Variants in DPP6 observed in about 807,000 individuals in gnomAD.
The protein encoded by DPP6 is A-type potassium channel modulatory protein DPP6.
DPP6 carries 69 observed loss-of-function variants against 122.6 expected under a neutral mutation model. The ratio of observed to expected loss-of-function variants is 0.56; its 90% CI spans 0.46 to 0.69. DPP6 has a LOEUF of 0.69. Ranked by LOEUF, DPP6 falls within the 30% of genes least tolerant of loss-of-function variation. The probability of loss-of-function intolerance (pLI) is 0.00; values close to 1 mark genes in which losing one functional copy is unlikely to be tolerated. For missense variants in DPP6, 928 were observed against 1,116.9 expected, an observed-to-expected ratio of 0.83 and a Z score of 2.41; for synonymous variants, 418 against 433.1, an observed-to-expected ratio of 0.97 and a Z score of 0.43.
intron 7 of DPP6, among the ~76,000 whole-genome samples, chr7:154,692,062 C>A (rs1387618470): frequency 1.3e-5 from 2 of 152,076 alleles, no homozygotes; most frequent in African/African-American, 2.4e-5. Context: ...GGCAAAAAGA[C>A]CTCCCAGGGA....
At chr7:153,830,877 T>A in the DPP6 span, among the ~76,000 whole-genome samples, 1 of 152,218 alleles carries the variant, frequency 6.6e-6, no homozygotes, top group Non-Finnish European at 1.5e-5. Flanking sequence ...TCACTTCCAA[T>A]GAAATAACGG....
intron 8 of DPP6, among the ~76,000 whole-genome samples, chr7:154,729,180 A>G (rs1007078432): frequency 6.6e-6 from 1 of 152,208 alleles, no homozygotes; most frequent in South Asian, 2.1e-4. Context: ...GCTTTCCAGC[A>G]TGGGGCTGAT....
At chr7:154,419,925 A>G (rs553731775) in intron 1 of DPP6, among the ~76,000 whole-genome samples, 1 of 152,300 alleles carries the variant, frequency 6.6e-6, no homozygotes, top group East Asian at 1.9e-4. Flanking sequence ...ACGGCAGCCG[A>G]GGTGTGGAAA....
intron 8 of DPP6, among the ~76,000 whole-genome samples, chr7:154,767,736 G>C (rs1016564188): frequency 1.3e-5 from 2 of 152,104 alleles, no homozygotes; most frequent in Non-Finnish European, 2.9e-5. Context: ...AGTGCACCAG[G>C]GCTCCTGAAT....
chr7:154,502,248 G>C (rs980019081), intron 3 of DPP6, among the ~76,000 whole-genome samples: 1 of 152,150 alleles, frequency 6.6e-6, no homozygotes, highest in Non-Finnish European at 1.5e-5. Flanking sequence ...GTGGACTTTG[G>C]AGTTAATGCT....
At chr7:153,976,193 T>C (rs1407624637) in intron 1 of DPP6, among the ~76,000 whole-genome samples, 2 of 151,998 alleles carry the variant, frequency 1.3e-5, no homozygotes, top group Admixed American at 6.5e-5. Flanking sequence ...GAAGTCTGTA[T>C]TGAAAGAAAA....
intron 1 of DPP6, among the ~76,000 whole-genome samples, chr7:154,412,260 A>G (rs562965241): frequency 2.0e-5 from 3 of 152,138 alleles, no homozygotes; most frequent in Non-Finnish European, 4.4e-5. Context: ...GGCTGCTGGG[A>G]CAGAATACAG....
chr7:154,683,453 T>G (rs977371505), intron 7 of DPP6, among the ~76,000 whole-genome samples: 1 of 152,212 alleles, frequency 6.6e-6, no homozygotes, highest in Non-Finnish European at 1.5e-5. Context: ...TTTTATGAAT[T>G]CTGCTTTCTT....
intron 4 of DPP6, among the ~76,000 whole-genome samples, chr7:154,558,421 A>G (rs1386509971): frequency 6.6e-6 from 1 of 152,206 alleles, no homozygotes; most frequent in East Asian, 1.9e-4. Context: ...GAGACATTAA[A>G]CAGAGACCCC....
At chr7:154,702,842 C>CA (rs1202306220) in intron 7 of DPP6, among the ~76,000 whole-genome samples, 4 of 152,210 alleles carry the variant, frequency 2.6e-5, no homozygotes, top group African/African-American at 9.6e-5. Context: ...TTAGTGAAGA[C>CA]AAAACAGCCT....
chr7:154,426,625 G>A (rs1817935190), intron 1 of DPP6, among the ~76,000 whole-genome samples: 1 of 152,024 alleles, frequency 6.6e-6, no homozygotes, highest in Admixed American at 6.6e-5. Context: ...CCATATCGGT[G>A]AGACATAGCC....
intron 1 of DPP6, among the ~76,000 whole-genome samples, chr7:154,272,180 C>T (rs1205470993): frequency 2.0e-5 from 3 of 152,210 alleles, no homozygotes; most frequent in Non-Finnish European, 4.4e-5. Context: ...TCTACCTAAG[C>T]ATCTGTATCT....
chr7:153,895,336 C>CTG (rs962715688), intron 1 of DPP6, among the ~76,000 whole-genome samples: 6 of 152,176 alleles, frequency 3.9e-5, no homozygotes, highest in African/African-American at 1.4e-4. Context: ...AGGCAGCTCC[C>CTG]TGGACTGCTG....
chr7:154,182,101 T>G (rs1798119746), intron 1 of DPP6, among the ~76,000 whole-genome samples: 1 of 152,136 alleles, frequency 6.6e-6, no homozygotes, highest in Admixed American at 6.5e-5. Flanking sequence ...TGGCTGGCAG[T>G]CTGGGCTGTG....
rs1803642581 is a variant in DPP6, at chr7:154,863,988, G to A, written c.1715-4007G>A. 6.6e-6 allele frequency among the ~76,000 whole-genome samples: 1 copy of A among 152,054 alleles called. No homozygotes were observed. The highest frequency in any genetic ancestry group is 1.5e-5 in the Non-Finnish European group (1 of 68,004). ...GAGGGGGCGAGGTGGGGCAGAGAGGGGTCCTACTGATGGCCGCAGGGGAAG... is the reference window on the plus strand; with the variant it reads ...GAGGGGGCGAGGTGGGGCAGAGAGGAGTCCTACTGATGGCCGCAGGGGAAG... On this transcript the variant is annotated intron_variant, in intron 17 of 25. Transcript: ENST00000377770. This position sits in a 1 kb window ranked among gnomAD's most constrained non-coding sequence, Gnocchi z 4.1.
chr7:154,208,120 T>C (rs1799549556), intron 1 of DPP6, among the ~76,000 whole-genome samples: 2 of 152,182 alleles, frequency 1.3e-5, no homozygotes, highest in African/African-American at 4.8e-5. Flanking sequence ...AAACAACCTC[T>C]ATAAGTGTTA....
chr7:153,967,311 A>G (rs1163779121), intron 1 of DPP6, among the ~76,000 whole-genome samples: 1 of 152,148 alleles, frequency 6.6e-6, no homozygotes, highest in Non-Finnish European at 1.5e-5. Flanking sequence ...TCAGCACGAT[A>G]TGTGACTTAG....
chr7:154,618,197 G>C lies in DPP6; in HGVS notation c.628-19624G>C, dbSNP rs1196293802. ...TTGTACCCTGTGAAAAAGCATAGCT[G>C]CTTTTCTCACAGAGTAAAGAGGTCC... On this transcript the variant is annotated intron_variant, in intron 5 of 25. Coordinates refer to ENST00000377770, the MANE Select transcript of DPP6 (RefSeq NM_130797.4). This position sits in a 1 kb window ranked among gnomAD's most constrained non-coding sequence, Gnocchi z 4.1. 6.6e-6 allele frequency among the ~76,000 whole-genome samples: 1 copy of C among 152,168 alleles called. No homozygotes were observed. Among genetic ancestry groups the C allele is most frequent in the African/African-American group, 2.4e-5 (1 of 41,436 alleles).
In DPP6 at chr7:154,893,214, A is replaced by T. The variant is rs543335505; in HGVS notation, c.*734A>T. Reference sequence around the variant, plus strand: ...GACTTTGCGCTTGATGAAGAAGCAGATCGGAAGTAACTGCTCCCTCCTCAA... The same window carrying T: ...GACTTTGCGCTTGATGAAGAAGCAGTTCGGAAGTAACTGCTCCCTCCTCAA... On this transcript the variant is annotated 3_prime_UTR_variant, in exon 26 of 26. Transcript: ENST00000377770. 4 of 281,168 alleles carry T rather than the reference A, an allele frequency of 1.4e-5. No individual in the cohort carries two copies. In the East Asian group the frequency reaches 4.2e-4, roughly 29 times the overall value. The allele number at this position is 281,168 out of a possible 1,614,324, so 17.4% of individuals were successfully genotyped here. A position where few individuals can be genotyped will look rare whatever the true frequency, so the allele number is the denominator to read the frequency against.
Sources: gnomAD v4.1 joint callset for allele counts (sites outside exome capture counted in the v4.1 genomes callset) on GRCh38, gnomAD v4.1.1 for gene constraint, Gnocchi (gnomAD v3.1) non-coding constraint, MANE v1.5 for transcripts, NCBI Gene and HGNC (gene_info 2026-07-23, HGNC 2026-07-21) for gene names.